AKR1E2: variants seen among roughly 807,000 people sequenced by gnomAD.
AKR1E2 encodes aldo-keto reductase family 1 member E2.
A neutral mutation model predicts 41.9 loss-of-function variants in AKR1E2; 43 were observed. That is an observed-to-expected ratio of 1.03 (90% CI 0.80 to 1.32). The LOEUF (loss-of-function observed/expected upper bound fraction) is 1.32. AKR1E2 is among the 40% of genes most tolerant of loss of function. The pLI is 0.00. For missense variants in AKR1E2, 423 were observed against 396.5 expected (o/e 1.07, Z -0.57); for synonymous variants, 121 against 138.9 (o/e 0.87, Z 0.91).
chr10:4,851,904 CT>C (rs138949770), downstream of AKR1E2, among the ~76,000 whole-genome samples: 3,598 of 152,214 alleles, frequency 0.024, 57 homozygotes, highest in East Asian at 0.072. Context: ...GAGGGTGAGA[CT>C]TTTGGTGTTG....
At chr10:4,869,497 G>GT in the AKR1E2 span, among the ~76,000 whole-genome samples, 7 of 151,386 alleles carry the variant, frequency 4.6e-5, no homozygotes, top group Admixed American at 1.3e-4. Flanking sequence ...TTTTTTCTCT[G>GT]TTTTTTTCTT....
chr10:4,846,633 C>A (rs59194258), intron 8 of AKR1E2, among the ~76,000 whole-genome samples: 2 of 151,866 alleles, frequency 1.3e-5, no homozygotes, highest in East Asian at 3.9e-4. Flanking sequence ...GCAACCTCCA[C>A]CTCCTGGGTT....
the AKR1E2 span, among the ~76,000 whole-genome samples, chr10:4,872,482 G>A: frequency 1.3e-5 from 2 of 152,062 alleles, no homozygotes; most frequent in African/African-American, 4.8e-5. Flanking sequence ...TTTTAGCAAG[G>A]GGGATACAAA....
chr10:4,847,257 CAG>C (rs1467025958), intron 9 of AKR1E2, 27 bp downstream of exon 9: 2 of 1,613,230 alleles, frequency 1.2e-6, no homozygotes, highest in South Asian at 1.1e-5. Flanking sequence ...CTTTTTAAAA[CAG>C]AGGGAAGAAT....
the AKR1E2 span, among the ~76,000 whole-genome samples, chr10:4,872,899 G>T: frequency 6.6e-6 from 1 of 152,188 alleles, no homozygotes; most frequent in Admixed American, 6.5e-5. Flanking sequence ...ATCATCGAGT[G>T]ATATATGAGT....
At chr10:4,844,818 C>T (rs553441412) in intron 8 of AKR1E2, among the ~76,000 whole-genome samples, 2 of 152,368 alleles carry the variant, frequency 1.3e-5, no homozygotes, top group East Asian at 1.9e-4. Flanking sequence ...AAAGGTTTTC[C>T]AAGTCCCCAC....
the AKR1E2 span, among the ~76,000 whole-genome samples, chr10:4,864,291 C>T: frequency 6.6e-6 from 1 of 152,136 alleles, no homozygotes; most frequent in Non-Finnish European, 1.5e-5. Context: ...CCCTGGGATG[C>T]AAGGCTGGTT....
chr10:4,842,798 G>A (rs1398236801), intron 8 of AKR1E2, among the ~76,000 whole-genome samples: 1 of 152,226 alleles, frequency 6.6e-6, no homozygotes, highest in Non-Finnish European at 1.5e-5. Flanking sequence ...GCTGGAGCAT[G>A]TGCACCAGTC....
At chr10:4,844,910 G>A (rs1167938506) in intron 8 of AKR1E2, among the ~76,000 whole-genome samples, 1 of 152,228 alleles carries the variant, frequency 6.6e-6, no homozygotes, top group East Asian at 1.9e-4. Context: ...CGGGCGGTGT[G>A]CCGGCACTCC....
At chr10:4,868,671 G>A in the AKR1E2 span, among the ~76,000 whole-genome samples, 2 of 152,186 alleles carry the variant, frequency 1.3e-5, no homozygotes, top group Non-Finnish European at 2.9e-5. Flanking sequence ...CTTAGCTGTA[G>A]GTTATTGCAG....
chr10:4,863,280 C>T, the AKR1E2 span, among the ~76,000 whole-genome samples: 1 of 152,158 alleles, frequency 6.6e-6, no homozygotes, highest in Non-Finnish European at 1.5e-5. Flanking sequence ...ATAGTGCAAT[C>T]AAACTAGAAC....
chr10:4,830,927 G>A, intron 2 of AKR1E2, 85 bp downstream of exon 2: 1 of 1,512,332 alleles, frequency 6.6e-7, no homozygotes, highest in Non-Finnish European at 9.0e-7. Context: ...GGGAGTTGAT[G>A]ACTTTGTTTC....
the AKR1E2 span, among the ~76,000 whole-genome samples, chr10:4,855,304 A>G: frequency 6.6e-5 from 10 of 152,298 alleles, no homozygotes; most frequent in African/African-American, 2.4e-4. Context: ...GGCAAATCTG[A>G]TGTGCTTTGT....
the AKR1E2 span, chr10:4,871,990 G>T: frequency 6.7e-6 from 1 of 150,268 alleles, no homozygotes; most frequent in East Asian, 1.9e-4. Context: ...CATAAAGACA[G>T]ATTTCTGTTA....
At chr10:4,845,340 C>T (rs2167701) in intron 8 of AKR1E2, among the ~76,000 whole-genome samples, 88,782 of 152,108 alleles carry the variant, frequency 0.58, 27,370 homozygotes, top group East Asian at 0.68. Flanking sequence ...ACTCCGGCCT[C>T]GGCCAGCCCA....
the AKR1E2 span, among the ~76,000 whole-genome samples, chr10:4,864,295 G>T: frequency 6.6e-6 from 1 of 152,166 alleles, no homozygotes; most frequent in Admixed American, 6.5e-5. Context: ...GGGATGCAAG[G>T]CTGGTTCAAC....
chr10:4,870,355 G>A, the AKR1E2 span, among the ~76,000 whole-genome samples: 8 of 151,932 alleles, frequency 5.3e-5, no homozygotes, highest in South Asian at 2.1e-4. Flanking sequence ...AATCTACTGC[G>A]TTTACCCATA....
intron 1 of AKR1E2, among the ~76,000 whole-genome samples, chr10:4,827,506 C>G (rs1218593516): frequency 6.6e-6 from 1 of 152,080 alleles, no homozygotes; most frequent in Non-Finnish European, 1.5e-5. Context: ...GTCTTATAAC[C>G]ACCATTCTAT....
intron 1 of AKR1E2, among the ~76,000 whole-genome samples, chr10:4,829,590 C>CTT (rs149822902): frequency 0.035 from 5,248 of 151,476 alleles, 142 homozygotes; most frequent in East Asian, 0.11. Context: ...GTGGTTTTCT[C>CTT]TTTTTTTTGA....
Sources: allele counts gnomAD v4.1 joint callset (sites outside exome capture counted in the v4.1 genomes callset), GRCh38; gene constraint gnomAD v4.1.1; transcripts MANE v1.5; gene names NCBI Gene and HGNC (gene_info 2026-07-23, HGNC 2026-07-21).